Variants in PCDHGB6 observed in about 807,000 individuals in gnomAD.
The protein encoded by PCDHGB6 is protocadherin gamma-B6.
PCDHGB6 carries 51 observed loss-of-function variants against 59.1 expected under a neutral mutation model. The ratio of observed to expected loss-of-function variants is 0.86; its 90% CI spans 0.69 to 1.09. The LOEUF is 1.09. Among genes scored for constraint, PCDHGB6 ranks in the 50% least tolerant of loss-of-function variants. The pLI is 0.00. For missense variants in PCDHGB6, 1,148 were observed against 1,205.1 expected (o/e 0.95, Z 0.70); for synonymous variants, 466 against 495.1 (o/e 0.94, Z 0.78).
At chr5:141,478,808 T>C in intron 1 of PCDHGB6, 1 of 1,459,124 alleles carries the variant, frequency 6.9e-7, no homozygotes, top group African/African-American at 1.4e-5. Flanking sequence ...TCTTTTGCTA[T>C]CACAACTAAC....
chr5:141,422,869 T>A, intron 1 of PCDHGB6: 2 of 1,614,202 alleles, frequency 1.2e-6, no homozygotes, highest in Non-Finnish European at 1.7e-6. Context: ...CAGCAACGTG[T>A]CGCTGAGCCT....
chr5:141,419,481 C>T (rs2096389716), intron 1 of PCDHGB6: 1 of 1,612,422 alleles, frequency 6.2e-7, no homozygotes, highest in East Asian at 2.2e-5. Flanking sequence ...GGCTCGCCCG[C>T]GCTCAGCGCC....
intron 1 of PCDHGB6, among the ~76,000 whole-genome samples, chr5:141,469,189 T>C (rs1393685141): frequency 2.6e-5 from 4 of 151,710 alleles, no homozygotes; most frequent in African/African-American, 9.7e-5. Flanking sequence ...GGCAAGAGGA[T>C]TGCTTGAGCC....
intron 3 of PCDHGB6, among the ~76,000 whole-genome samples, chr5:141,509,164 C>A (rs1454864362): frequency 6.6e-6 from 1 of 152,188 alleles, no homozygotes; most frequent in Non-Finnish European, 1.5e-5. Context: ...TCCCGTGTGC[C>A]CTCCTCCTCT....
At chr5:141,500,252 A>G (rs2099798400) in intron 2 of PCDHGB6, among the ~76,000 whole-genome samples, 1 of 151,094 alleles carries the variant, frequency 6.6e-6, no homozygotes, top group East Asian at 1.9e-4. Flanking sequence ...TCTGTCACCC[A>G]GGCTGGACTG....
At position 141,432,412 on chromosome 5, in the gene PCDHGB6, C is replaced by G. The variant is rs773688197; in HGVS notation, c.2418+21792C>G. 1.9e-6 allele frequency: 3 copies of G among 1,614,246 alleles called. No individual in the cohort carries two copies. The highest frequency in any genetic ancestry group is 2.2e-5 in the East Asian group (1 of 44,882). ...GCAGCAACGTGTCGTTGAGCCTGTT[C>G]GTGCTGGACCAGAACGACAATGCGC... On this transcript the variant is annotated intron_variant, in intron 1 of 3. Transcript: ENST00000520790. This position sits in a 1 kb window ranked among gnomAD's most constrained non-coding sequence, Gnocchi z 6.0.
rs946798767 is a variant in PCDHGB6, at chr5:141,438,591, CATATATATAT to C, written c.2418+28007_2418+28016del. On this transcript the variant is annotated intron_variant, in intron 1 of 3. Transcript: ENST00000520790. The stretch of plus-strand genomic sequence containing the variant: ...TCTGATATACATACATACATACATA[CATATATATAT>C]ATATATATATATATATATATATATA... Among the ~76,000 whole-genome samples, 12 of 75,572 alleles carry C rather than the reference CATATATATAT, an allele frequency of 1.6e-4. No individual in the cohort carries two copies. The East Asian group carries it at 1.7e-3, about 11-fold the overall frequency. The allele number at this position is 75,572 out of a possible 152,430, so 49.6% of individuals were successfully genotyped here.
intron 3 of PCDHGB6, among the ~76,000 whole-genome samples, chr5:141,508,989 G>A (rs900798347): frequency 1.3e-5 from 2 of 152,110 alleles, no homozygotes; most frequent in Non-Finnish European, 2.9e-5. Flanking sequence ...GGGGCCAGCT[G>A]GGGTAGGAGA....
chr5:141,457,127 C>G (rs2098910262), intron 1 of PCDHGB6, among the ~76,000 whole-genome samples: 1 of 152,200 alleles, frequency 6.6e-6, no homozygotes, highest in Admixed American at 6.5e-5. Flanking sequence ...AATGGAAACT[C>G]TGTCCAATAT....
chr5:141,472,733 C>T (rs1450872513), intron 1 of PCDHGB6, among the ~76,000 whole-genome samples: 2 of 151,996 alleles, frequency 1.3e-5, no homozygotes, highest in Non-Finnish European at 2.9e-5. Context: ...CACCTGTAAT[C>T]CCAGCACTTT....
chr5:141,436,594 G>A (rs79477223), intron 1 of PCDHGB6, among the ~76,000 whole-genome samples: 2 of 152,106 alleles, frequency 1.3e-5, no homozygotes, highest in African/African-American at 2.4e-5. Flanking sequence ...AAAGGTCGTG[G>A]TGATGGCTAG....
chr5:141,428,797 G>A (rs2097161930), intron 1 of PCDHGB6: 1 of 152,310 alleles, frequency 6.6e-6, no homozygotes, highest in Admixed American at 6.5e-5. Context: ...TTCTGTGTGG[G>A]CCAGTAACTT....
chr5:141,423,610 G>GT, intron 1 of PCDHGB6: 1 of 1,611,424 alleles, frequency 6.2e-7, no homozygotes, highest in African/African-American at 1.3e-5. Context: ...ACTCTTGATA[G>GT]CTGAAGACTC....
chr5:141,500,937 C>G (rs910002814), intron 2 of PCDHGB6, among the ~76,000 whole-genome samples: 1 of 151,804 alleles, frequency 6.6e-6, no homozygotes, highest in Non-Finnish European at 1.5e-5. Context: ...GGCGCCATCT[C>G]GGCTCACTGC....
chr5:141,419,715 T>A, intron 1 of PCDHGB6: 5 of 1,613,288 alleles, frequency 3.1e-6, no homozygotes, highest in Non-Finnish European at 4.2e-6. Context: ...CTCTTCAGCC[T>A]GGGGCTGCGA....
chr5:141,419,386 G>A (rs2096372901), intron 1 of PCDHGB6: 1 of 1,613,650 alleles, frequency 6.2e-7, no homozygotes, highest in Non-Finnish European at 8.5e-7. Context: ...CCGTGAGCGC[G>A]CAGAGCGGGG....
intron 1 of PCDHGB6, among the ~76,000 whole-genome samples, chr5:141,450,564 G>A (rs1397334260): frequency 2.0e-5 from 3 of 151,932 alleles, no homozygotes; most frequent in African/African-American, 7.3e-5. Context: ...TCGGCTCACT[G>A]CAACTTCTGC....
chr5:141,419,332 C>A, intron 1 of PCDHGB6: 1 of 1,613,950 alleles, frequency 6.2e-7, no homozygotes, highest in South Asian at 1.1e-5. Context: ...CCTACTCTCT[C>A]ATTGCCAGCG....
Position 141,491,826 on chromosome 5 carries a change from C to A in PCDHGB6, c.2419-2981C>A. 1 of 1,477,526 alleles carries A rather than the reference C, an allele frequency of 6.8e-7. No homozygotes were observed. The highest frequency in any genetic ancestry group is 9.0e-7 in the Non-Finnish European group (1 of 1,114,486). The allele number at this position is 1,477,526 out of a possible 1,614,324, so 91.5% of individuals were successfully genotyped here. A position where few individuals can be genotyped will look rare whatever the true frequency, so the allele number is the denominator to read the frequency against. ...GGCTTGGTCGCTGGCTGCGCTCCAC[C>A]CGATTCTCGGGATCATTGGACCGTT... On this transcript the variant is annotated intron_variant, in intron 1 of 3. Transcript: ENST00000520790. The surrounding 1 kb of genome is among the most constrained non-coding windows in gnomAD (Gnocchi z 6.9).
Sources: gnomAD v4.1 joint callset for allele counts (sites outside exome capture counted in the v4.1 genomes callset) on GRCh38, gnomAD v4.1.1 for gene constraint, Gnocchi (gnomAD v3.1) non-coding constraint, MANE v1.5 for transcripts, NCBI Gene and HGNC (gene_info 2026-07-23, HGNC 2026-07-21) for gene names.